Variants in RAP1A observed in about 807,000 individuals in gnomAD.
RAP1A encodes ras-related protein Rap-1A.
RAP1A carries 6 observed loss-of-function variants against 26.4 expected under a neutral mutation model. The ratio of observed to expected loss-of-function variants is 0.23; its 90% CI spans 0.12 to 0.45. RAP1A has a LOEUF of 0.45. Among genes scored for constraint, RAP1A ranks in the 20% least tolerant of loss-of-function variants. RAP1A has a pLI of 0.99. For missense variants in RAP1A, 121 were observed against 217.2 expected (o/e 0.56, Z 2.78); for synonymous variants, 73 against 79.4 (o/e 0.92, Z 0.43).
intron 1 of RAP1A, among the ~76,000 whole-genome samples, chr1:111,685,394 T>C (rs1232615560): frequency 1.3e-5 from 2 of 148,868 alleles, no homozygotes; most frequent in African/African-American, 2.5e-5. Context: ...AGGGCTAATA[T>C]CCAGAATCTA....
At chr1:111,630,413 T>C (rs1364463588) in intron 1 of RAP1A, among the ~76,000 whole-genome samples, 1 of 152,200 alleles carries the variant, frequency 6.6e-6, no homozygotes, top group Non-Finnish European at 1.5e-5. Context: ...CTTGATACTA[T>C]TCTAGGAACC....
intron 4 of RAP1A, among the ~76,000 whole-genome samples, chr1:111,701,534 C>T (rs1354240932): frequency 3.3e-5 from 5 of 152,126 alleles, no homozygotes; most frequent in African/African-American, 1.2e-4. Context: ...GAAATTTTTG[C>T]CTCTCATGAT....
chr1:111,657,486 T>G (rs1660498786), intron 1 of RAP1A, among the ~76,000 whole-genome samples: 1 of 152,172 alleles, frequency 6.6e-6, no homozygotes, highest in South Asian at 2.1e-4. Flanking sequence ...TCTATTTTTT[T>G]CTTTTGTTGC....
chr1:111,589,770 G>C (rs1170986348), intron 1 of RAP1A, among the ~76,000 whole-genome samples: 1 of 151,924 alleles, frequency 6.6e-6, no homozygotes, highest in Non-Finnish European at 1.5e-5. Context: ...GGAGTACAGT[G>C]GTGCTATCAT....
upstream of RAP1A, among the ~76,000 whole-genome samples, chr1:111,615,774 T>C (rs2101082724): frequency 7.0e-6 from 1 of 142,192 alleles, no homozygotes; most frequent in East Asian, 2.0e-4. Context: ...GAGGTTGCAG[T>C]GAGCCAAGAC....
intron 4 of RAP1A, 60 bp downstream of exon 4, chr1:111,697,557 A>G: frequency 6.3e-7 from 1 of 1,598,598 alleles, no homozygotes; most frequent in Non-Finnish European, 8.5e-7. Context: ...TTGTCATCTG[A>G]GTAGGTTTTG....
At chr1:111,560,811 G>A (rs982387882) in intron 1 of RAP1A, among the ~76,000 whole-genome samples, 2 of 152,122 alleles carry the variant, frequency 1.3e-5, no homozygotes, top group African/African-American at 2.4e-5. Flanking sequence ...GTTCTTGATC[G>A]TCTTAGAGAC....
At chr1:111,588,800 G>A (rs528479375) in intron 1 of RAP1A, among the ~76,000 whole-genome samples, 19 of 152,220 alleles carry the variant, frequency 1.2e-4, no homozygotes, top group African/African-American at 3.4e-4. Flanking sequence ...TTGTTTATAC[G>A]TCTGCACTAG....
At position 111,670,726 on chromosome 1, in the gene RAP1A, G is replaced by A. The variant is rs115493520; in HGVS notation, c.-27-20608G>A. ...GAGGAAGGGCACAGATAAACAATCCGAATGAAAAAGGAGATATAACTAAAG... is the reference window on the plus strand; with the variant it reads ...GAGGAAGGGCACAGATAAACAATCCAAATGAAAAAGGAGATATAACTAAAG... On this transcript the variant is annotated intron_variant, in intron 1 of 7. Coordinates refer to ENST00000369709, the MANE Select transcript of RAP1A (RefSeq NM_002884.4). 1.1e-3 allele frequency among the ~76,000 whole-genome samples: 171 copies of A among 152,182 alleles called. 1 individual carries two copies. Among genetic ancestry groups the A allele is most frequent in the African/African-American group, 4.0e-3 (168 of 41,552 alleles).
chr1:111,619,251 G>A (rs1659086447), upstream of RAP1A, among the ~76,000 whole-genome samples: 1 of 152,176 alleles, frequency 6.6e-6, no homozygotes, highest in Non-Finnish European at 1.5e-5. Context: ...CCGTGTGTAT[G>A]CGCTCAAAGG....
chr1:111,601,571 C>A (rs1199995494), intron 1 of RAP1A, among the ~76,000 whole-genome samples: 2 of 152,168 alleles, frequency 1.3e-5, no homozygotes, highest in Non-Finnish European at 2.9e-5. Flanking sequence ...AAAATATCTC[C>A]TTCTCCAAGT....
At chr1:111,568,025 C>G (rs1490033586) in intron 1 of RAP1A, among the ~76,000 whole-genome samples, 2 of 152,178 alleles carry the variant, frequency 1.3e-5, no homozygotes, top group Admixed American at 6.5e-5. Flanking sequence ...AAACAGTGGG[C>G]CATTGCTGTG....
intron 1 of RAP1A, among the ~76,000 whole-genome samples, chr1:111,671,013 A>G (rs1023935097): frequency 1.3e-5 from 2 of 152,224 alleles, no homozygotes; most frequent in Non-Finnish European, 2.9e-5. Flanking sequence ...ATACTTTACT[A>G]AAGATTGTGG....
chr1:111,678,733 C>A (rs1661203900), intron 1 of RAP1A, among the ~76,000 whole-genome samples: 1 of 150,482 alleles, frequency 6.6e-6, no homozygotes, highest in African/African-American at 2.4e-5. Context: ...ACTGAAATGT[C>A]ATTATGCAGC....
upstream of RAP1A, chr1:111,619,684 G>A (rs1659103596): frequency 5.1e-6 from 2 of 392,064 alleles, no homozygotes; most frequent in Non-Finnish European, 9.0e-6. Flanking sequence ...GAACGCCGTG[G>A]GGAAGGCGGG....
At chr1:111,652,133 C>G (rs892552657) in intron 1 of RAP1A, among the ~76,000 whole-genome samples, 2 of 152,088 alleles carry the variant, frequency 1.3e-5, no homozygotes, top group Non-Finnish European at 2.9e-5. Context: ...GCCACCATGC[C>G]CAGCTAATGT....
chr1:111,646,785 C>T (rs760374019), intron 1 of RAP1A, among the ~76,000 whole-genome samples: 8 of 152,158 alleles, frequency 5.3e-5, no homozygotes, highest in Non-Finnish European at 8.8e-5. Context: ...GTGATCCGCC[C>T]GCCTCGGCTT....
At chr1:111,697,126 ATACTT>A (rs1417612589) in intron 3 of RAP1A, among the ~76,000 whole-genome samples, 3 of 152,172 alleles carry the variant, frequency 2.0e-5, no homozygotes, top group African/African-American at 7.2e-5. Context: ...TGTTAGAACT[ATACTT>A]GTTCGTTGAA....
intron 1 of RAP1A, among the ~76,000 whole-genome samples, chr1:111,646,338 A>G (rs1266608120): frequency 1.3e-5 from 2 of 151,656 alleles, no homozygotes; most frequent in Non-Finnish European, 2.9e-5. Context: ...GATCCCTGCC[A>G]ATTAGAGCTA....
Sources: allele counts gnomAD v4.1 joint callset (sites outside exome capture counted in the v4.1 genomes callset), GRCh38; gene constraint gnomAD v4.1.1; transcripts MANE v1.5; gene names NCBI Gene and HGNC (gene_info 2026-07-23, HGNC 2026-07-21).